JADE2: variants seen among roughly 807,000 people sequenced by gnomAD.
JADE2 encodes jade family PHD finger 2.
A neutral mutation model predicts 85.7 loss-of-function variants in JADE2; 13 were observed. The observed-to-expected ratio is 0.15, with a 90% CI of 0.10 to 0.24. The LOEUF is 0.24. JADE2 is among the 10% of genes least tolerant of loss of function. JADE2 has a pLI of 1.00. For missense variants in JADE2, 846 were observed against 1,115.9 expected (o/e 0.76, Z 3.45); for synonymous variants, 440 against 456.1 (o/e 0.96, Z 0.45).
intron 3 of JADE2, among the ~76,000 whole-genome samples, chr5:134,546,895 T>C (rs1159907640): frequency 6.6e-6 from 1 of 152,208 alleles, no homozygotes; most frequent in Non-Finnish European, 1.5e-5. Flanking sequence ...TACTCTGTGA[T>C]ACAGTAGTTC....
At position 134,566,461 on chromosome 5, in the gene JADE2, G is replaced by A. The variant is rs376981100; in HGVS notation, c.1315G>A (p.Ala439Thr). ...QYWKLKRKANANQPLLTPKTD... is the reference protein window; with the variant it reads ...QYWKLKRKANTNQPLLTPKTD... ...CTGGAAGCTGAAGAGGAAAGCCAAT[G>A]CCAACCAGCCGCTGCTGACCCCCAA... The change falls in exon 9 of 12, where the codon GCC becomes ACC. Residue 439 changes from alanine to threonine, a missense_variant. By Grantham distance (58) the Ala-to-Thr change is moderately conservative. Around this residue, in one of 9 missense-constraint regions of JADE2, gnomAD observed 88 missense variants for 140.6 expected, o/e 0.63. Coordinates refer to ENST00000681547, the MANE Select transcript of JADE2 (RefSeq NM_001388185.1). This position sits in a 1 kb window ranked among gnomAD's most constrained non-coding sequence, Gnocchi z 6.7. 12 of 1,613,072 alleles carry A rather than the reference G, an allele frequency of 7.4e-6. No homozygotes were observed. Among genetic ancestry groups the A allele is most frequent in the Non-Finnish European group, 9.3e-6 (11 of 1,179,744 alleles).
At chr5:134,542,281 T>C (rs1036245173) in intron 3 of JADE2, among the ~76,000 whole-genome samples, 26 of 152,232 alleles carry the variant, frequency 1.7e-4, no homozygotes, top group African/African-American at 5.8e-4. Flanking sequence ...CCTGGCTCAC[T>C]AAATGGTGTA....
chr5:134,527,272 C>T (rs1196272056), intron 1 of JADE2, among the ~76,000 whole-genome samples: 2 of 152,136 alleles, frequency 1.3e-5, no homozygotes, highest in African/African-American at 2.4e-5. Flanking sequence ...CCCGCCTCCT[C>T]CCCGCCTGGG....
intron 9 of JADE2, among the ~76,000 whole-genome samples, chr5:134,572,227 G>A (rs1365465696): frequency 6.6e-6 from 1 of 152,240 alleles, no homozygotes; most frequent in East Asian, 1.9e-4. Flanking sequence ...CTGGCCATAG[G>A]GATAGGCGGA....
chr5:134,554,557 T>C (rs1313199809), intron 4 of JADE2, among the ~76,000 whole-genome samples: 3 of 152,198 alleles, frequency 2.0e-5, no homozygotes, highest in East Asian at 3.9e-4. Flanking sequence ...TAGGGTGCTT[T>C]ATCTGTTGAC....
chr5:134,538,860 CTTTT>C (rs541295980), intron 3 of JADE2, among the ~76,000 whole-genome samples: 1 of 141,594 alleles, frequency 7.1e-6, no homozygotes, highest in Non-Finnish European at 1.6e-5. Context: ...AATCCTGGCT[CTTTT>C]TTTTTTTTTG....
At chr5:134,553,093 A>C (rs1762695559) in intron 4 of JADE2, among the ~76,000 whole-genome samples, 1 of 143,164 alleles carries the variant, frequency 7.0e-6, no homozygotes, top group Non-Finnish European at 1.5e-5. Context: ...TCCCAGCCTC[A>C]AGTGATCCTC....
intron 3 of JADE2, among the ~76,000 whole-genome samples, chr5:134,550,468 G>T (rs1762528523): frequency 6.6e-6 from 1 of 152,186 alleles, no homozygotes; most frequent in African/African-American, 2.4e-5. Context: ...CTTAGCACCG[G>T]GCACAGCGGT....
At chr5:134,526,346 G>C in intron 1 of JADE2, 1 of 985,208 alleles carries the variant, frequency 1.0e-6, no homozygotes, top group Non-Finnish European at 1.2e-6. Flanking sequence ...GCCGGCGAGG[G>C]GGCGCGGGCG....
rs992717051 is a variant in JADE2 at position 134,581,382 on chromosome 5, C to G, written c.*2065C>G. 6.5e-6 allele frequency: 1 copy of G among 152,706 alleles called. No homozygotes were observed. Among genetic ancestry groups the G allele is most frequent in the African/African-American group, 2.4e-5 (1 of 41,448 alleles). The allele number at this position is 152,706 out of a possible 1,614,324, so 9.5% of individuals were successfully genotyped here. On this transcript the variant is annotated 3_prime_UTR_variant, in exon 12 of 12. Transcript: ENST00000681547. ...GCTTTGGGTCACCTCGGGCTGCAAC[C>G]CTGTCTGTGCCAGATTGCCCGGTCT... is the stretch of plus-strand genomic sequence containing the variant.
intron 3 of JADE2, among the ~76,000 whole-genome samples, chr5:134,549,345 G>A (rs1480262367): frequency 1.3e-5 from 2 of 152,198 alleles, no homozygotes; most frequent in African/African-American, 4.8e-5. Flanking sequence ...CCAACATGGT[G>A]AAACCCTGTC....
intron 4 of JADE2, among the ~76,000 whole-genome samples, chr5:134,554,985 T>A (rs1358773871): frequency 2.6e-5 from 4 of 152,204 alleles, no homozygotes; most frequent in Non-Finnish European, 5.9e-5. Context: ...GGGAATTCCC[T>A]GCATGGCCAC....
chr5:134,561,314 G>T (rs558692249), intron 6 of JADE2, among the ~76,000 whole-genome samples: 4 of 152,200 alleles, frequency 2.6e-5, no homozygotes, highest in Non-Finnish European at 4.4e-5. Context: ...TCAAATCGTG[G>T]CTCTGCCCTT....
chr5:134,559,900 C>A lies in JADE2; in HGVS notation c.382C>A (p.Gln128Lys). Residue 128 changes from glutamine (Q) to lysine (K), a missense_variant, in exon 5 of 12, where the codon CAG becomes AAG. This residue lies in a region of JADE2 where 78 missense variants were observed against 64.9 expected (regional missense o/e 1.20). Coordinates refer to ENST00000681547, the MANE Select transcript of JADE2 (RefSeq NM_001388185.1). ...CAGCACCATGCTTGGTGAGGGCTCC[C>A]AGCCTGATTGGCCAGGGGGCAGCCG... ...PSSTMLGEGS[Q>K]PDWPGGSRYD... 6.2e-7 allele frequency: 1 copy of A among 1,614,044 alleles called. No homozygotes were observed. Among genetic ancestry groups the A allele is most frequent in the Non-Finnish European group, 8.5e-7 (1 of 1,179,954 alleles).
Position 134,562,086 on chromosome 5 carries a change from G to A in JADE2, c.685-114G>A, listed in dbSNP as rs531391168. The A allele has an allele frequency of 6.8e-6, 7 of 1,028,976 alleles. No homozygotes were observed. The highest frequency in any genetic ancestry group is 4.9e-5 in the East Asian group (2 of 40,690). The allele number at this position is 1,028,976 out of a possible 1,614,324, so 63.7% of individuals were successfully genotyped here. On this transcript the variant is annotated intron_variant, in intron 6 of 11. Coordinates refer to ENST00000681547, the MANE Select transcript of JADE2 (RefSeq NM_001388185.1). The surrounding 1 kb of genome is among the most constrained non-coding windows in gnomAD (Gnocchi z 4.6). The stretch of plus-strand genomic sequence containing the variant: ...TCAGAAGTTGTACGTGCCAGAGATG[G>A]GAGGCTGTGTAGCAGTGTAGCATGG...
intron 4 of JADE2, among the ~76,000 whole-genome samples, chr5:134,557,296 G>A (rs1289746042): frequency 7.6e-6 from 1 of 132,146 alleles, no homozygotes; most frequent in Admixed American, 7.9e-5. Context: ...TTTTTTTTCA[G>A]ACAGAACCCA....
chr5:134,549,262 G>A (rs993430034), intron 3 of JADE2, among the ~76,000 whole-genome samples: 8 of 152,116 alleles, frequency 5.3e-5, no homozygotes, highest in South Asian at 4.1e-4. Flanking sequence ...GGTGGCTCAC[G>A]CCTGTAATCC....
chr5:134,566,169 C>T lies in JADE2; in HGVS notation c.1023C>T (p.His341=), dbSNP rs143825734. Residue 341 remains histidine (H), a synonymous_variant, in exon 9 of 12, where the codon CAC becomes CAT. Transcript: ENST00000681547. This position sits in a 1 kb window ranked among gnomAD's most constrained non-coding sequence, Gnocchi z 6.7. The part of the protein sequence containing the change: ...TAFHVTCAFD[H]GLEMRTILAD... ...TCCATGTCACATGCGCCTTTGACCA[C>T]GGCCTGGAAATGCGGACTATATTAG... The T allele has an allele frequency of 6.1e-5, 98 of 1,614,060 alleles. No homozygotes were observed. The African/African-American group carries it at 6.1e-4, about 10-fold the overall frequency.
At chr5:134,525,323 C>G (rs1459791170), upstream of JADE2, among the ~76,000 whole-genome samples, 1 of 152,028 alleles carries the variant, frequency 6.6e-6, no homozygotes, top group African/African-American at 2.4e-5. Flanking sequence ...ACGGGCGCAG[C>G]CGCCGCTCGG....
Sources: allele counts gnomAD v4.1 joint callset (sites outside exome capture counted in the v4.1 genomes callset), GRCh38; gene constraint gnomAD v4.1.1; regional missense constraint gnomAD v4.1.1; non-coding constraint Gnocchi (gnomAD v3.1); transcripts MANE v1.5; gene names NCBI Gene and HGNC (gene_info 2026-07-23, HGNC 2026-07-21).